The following FARS2 variants were observed in gnomAD, a reference collection of about 807,000 sequenced individuals.
FARS2 encodes the protein phenylalanyl-tRNA synthetase 2, mitochondrial, also known as phenylalanine--tRNA ligase, mitochondrial.
A neutral mutation model predicts 46.4 loss-of-function variants in FARS2; 40 were observed. The ratio of observed to expected loss-of-function variants is 0.86; its 90% CI spans 0.67 to 1.12. FARS2 has a LOEUF of 1.12. Among genes scored for constraint, FARS2 ranks in the 50% most tolerant of loss-of-function variants. FARS2 has a pLI of 0.00. For missense variants in FARS2, 513 were observed against 567.9 expected (o/e 0.90, Z 0.98); for synonymous variants, 234 against 214.9 (o/e 1.09, Z -0.78).
intron 4 of FARS2, among the ~76,000 whole-genome samples, chr6:5,449,941 G>T (rs1764390901): frequency 6.6e-6 from 1 of 152,198 alleles, no homozygotes; most frequent in Non-Finnish European, 1.5e-5. Context: ...GGACTCCTGA[G>T]TATACCAAAA....
intron 4 of FARS2, among the ~76,000 whole-genome samples, chr6:5,449,174 C>A (rs1327277298): frequency 6.6e-6 from 1 of 151,996 alleles, no homozygotes; most frequent in East Asian, 1.9e-4. Flanking sequence ...CATGGTGAAA[C>A]CCCATCTTTA....
chr6:5,489,689 A>G (rs1391410051), intron 4 of FARS2, among the ~76,000 whole-genome samples: 2 of 152,164 alleles, frequency 1.3e-5, no homozygotes, highest in East Asian at 1.9e-4. Context: ...CAGGCATATT[A>G]GTCTTCAGAT....
chr6:5,487,771 A>G (rs395378), intron 4 of FARS2, among the ~76,000 whole-genome samples: 30,470 of 152,114 alleles, frequency 0.2, 3,343 homozygotes, highest in African/African-American at 0.26. Flanking sequence ...GACTGCTCCA[A>G]AGACCTTTGG....
intron 4 of FARS2, among the ~76,000 whole-genome samples, chr6:5,540,591 G>A (rs746474921): frequency 2.6e-5 from 4 of 152,328 alleles, no homozygotes; most frequent in East Asian, 1.9e-4. Context: ...TGTGTGGGAA[G>A]CACATGTTCT....
chr6:5,683,614 T>C (rs934626936), intron 6 of FARS2, among the ~76,000 whole-genome samples: 25 of 152,044 alleles, frequency 1.6e-4, no homozygotes, highest in Admixed American at 3.9e-4. Context: ...TCTTTTTTTT[T>C]TTCTTTTACT....
At chr6:5,446,394 A>G (rs920314158) in intron 4 of FARS2, among the ~76,000 whole-genome samples, 11 of 152,094 alleles carry the variant, frequency 7.2e-5, no homozygotes, top group Admixed American at 6.5e-4. Context: ...AAAATCCATT[A>G]TATGTATTTG....
intron 5 of FARS2, among the ~76,000 whole-genome samples, chr6:5,592,964 G>A (rs777258516): frequency 6.6e-6 from 1 of 152,176 alleles, no homozygotes; most frequent in African/African-American, 2.4e-5. Flanking sequence ...TTGCAGCCCA[G>A]CCTCTTAAGG....
Position 5,361,522 on chromosome 6 carries a change from C to T in FARS2, c.-21-7028C>T, listed in dbSNP as rs1337482370. On this transcript the variant is annotated intron_variant, in intron 1 of 6. Transcript: ENST00000274680. Reference sequence around the variant, plus strand: ...AAAGGTTGCGCCAATGACACCCTCACGAGTAATGCAGGAAACTGCCTGCTT... The same window carrying T: ...AAAGGTTGCGCCAATGACACCCTCATGAGTAATGCAGGAAACTGCCTGCTT... Among the ~76,000 whole-genome samples, 6 of 152,314 alleles carry T rather than the reference C, an allele frequency of 3.9e-5. No individual in the cohort carries two copies. In the East Asian group the frequency reaches 1.2e-3, roughly 29 times the overall value.
chr6:5,432,348 ATATT>A (rs1562036546), intron 4 of FARS2, among the ~76,000 whole-genome samples: 4 of 33,050 alleles, frequency 1.2e-4, no homozygotes, highest in Non-Finnish European at 2.4e-4. Flanking sequence ...ATATATATAT[ATATT>A]ATATATATAT....
At chr6:5,730,079 G>A (rs987323326) in intron 6 of FARS2, among the ~76,000 whole-genome samples, 26 of 152,302 alleles carry the variant, frequency 1.7e-4, no homozygotes, top group African/African-American at 5.8e-4. Context: ...CACCAAGGCA[G>A]CCCACCCATT....
chr6:5,399,825 G>A (rs1038469897), intron 2 of FARS2, among the ~76,000 whole-genome samples: 5 of 152,014 alleles, frequency 3.3e-5, no homozygotes, highest in African/African-American at 9.7e-5. Flanking sequence ...TATTACACCT[G>A]CAAAAGTACT....
intron 1 of FARS2, among the ~76,000 whole-genome samples, chr6:5,282,316 C>T (rs1306136254): frequency 6.6e-6 from 1 of 152,180 alleles, no homozygotes; most frequent in African/African-American, 2.4e-5. Context: ...AGCAAGCAGG[C>T]ATGAGAGGCA....
At chr6:5,441,805 T>C (rs1763858285) in intron 4 of FARS2, among the ~76,000 whole-genome samples, 1 of 152,240 alleles carries the variant, frequency 6.6e-6, no homozygotes, top group Non-Finnish European at 1.5e-5. Flanking sequence ...ACGAGCATCT[T>C]TGGGTATCAT....
At chr6:5,409,531 A>T (rs1200539405) in intron 3 of FARS2, among the ~76,000 whole-genome samples, 1 of 152,112 alleles carries the variant, frequency 6.6e-6, no homozygotes, top group African/African-American at 2.4e-5. Context: ...TTATTGTTTT[A>T]AAAATATTGT....
At chr6:5,514,169 T>C (rs931390231) in intron 4 of FARS2, among the ~76,000 whole-genome samples, 1 of 152,084 alleles carries the variant, frequency 6.6e-6, no homozygotes, top group African/African-American at 2.4e-5. Flanking sequence ...ATTGTGTGTA[T>C]TACAGATTCA....
chr6:5,723,142 G>T (rs1192227796), intron 6 of FARS2, among the ~76,000 whole-genome samples: 1 of 152,090 alleles, frequency 6.6e-6, no homozygotes, highest in Non-Finnish European at 1.5e-5. Context: ...TTAAGTAAGG[G>T]TGAGTGAGTG....
rs761709212 is a variant in FARS2 at position 5,431,069 on chromosome 6, C to G, written c.801C>G (p.Tyr267Ter). 1.2e-6 allele frequency: 2 copies of G among 1,613,774 alleles called. No individual in the cohort carries two copies. The highest frequency in any genetic ancestry group is 3.3e-5 in the Admixed American group (2 of 59,996). Reference sequence around the variant, plus strand: ...TGGAGATAAGATGGGTAGACTGCTACTTCCCTTTTACACATCCTTCCTTTG... The same window carrying G: ...TGGAGATAAGATGGGTAGACTGCTAGTTCCCTTTTACACATCCTTCCTTTG... ...DELEIRWVDC[Y>*]FPFTHPSFEM... The change falls in exon 4 of 7, where the codon TAC becomes TAG. Residue 267 changes from tyrosine to a stop codon, truncating the protein, a stop_gained. Coordinates refer to ENST00000274680, the MANE Select transcript of FARS2 (RefSeq NM_006567.5). LOFTEE classifies it high-confidence loss of function.
chr6:5,719,466 A>AGAAAGAAAAGAGC (rs1435599505), intron 6 of FARS2, among the ~76,000 whole-genome samples: 1 of 121,698 alleles, frequency 8.2e-6, no homozygotes. Context: ...AAGAAAAGAG[A>AGAAAGAAAAGAGC]AGAAAAGAAA....
At chr6:5,749,054 AC>A (rs1358336621) in intron 6 of FARS2, among the ~76,000 whole-genome samples, 1 of 152,186 alleles carries the variant, frequency 6.6e-6, no homozygotes, top group African/African-American at 2.4e-5. Flanking sequence ...AGTCACCTCT[AC>A]TGCAACTCTG....
Sources: allele counts gnomAD v4.1 joint callset (sites outside exome capture counted in the v4.1 genomes callset), GRCh38; gene constraint gnomAD v4.1.1; transcripts MANE v1.5; gene names NCBI Gene and HGNC (gene_info 2026-07-23, HGNC 2026-07-21).